Variants in ROBO2 observed in about 807,000 individuals in gnomAD.
ROBO2 encodes the protein roundabout homolog 2.
A neutral mutation model predicts 160.8 loss-of-function variants in ROBO2; 53 were observed. The ratio of observed to expected loss-of-function variants is 0.33; its 90% CI spans 0.26 to 0.41. ROBO2 has a LOEUF of 0.41. Among genes scored for constraint, ROBO2 ranks in the 10% least tolerant of loss-of-function variants. ROBO2 has a pLI of 1.00. For missense variants in ROBO2, 1,577 were observed against 1,722.4 expected, an observed-to-expected ratio of 0.92 and a Z score of 1.49; for synonymous variants, 664 against 611.7, an observed-to-expected ratio of 1.09 and a Z score of -1.26.
intron 11 of ROBO2, 77 bp from the exon 13 acceptor site, chr3:77,564,877 C>T (rs2093433750): frequency 7.6e-7 from 1 of 1,319,966 alleles, no homozygotes; most frequent in Non-Finnish European, 1.1e-6. Context: ...AGCCATTAAC[C>T]TTTGTCATTG....
At chr3:76,359,885 T>C (rs773774128) in intron 2 of ROBO2, among the ~76,000 whole-genome samples, 1 of 152,036 alleles carries the variant, frequency 6.6e-6, no homozygotes, top group Non-Finnish European at 1.5e-5. Context: ...TCTAAAGTTA[T>C]AACATTATAT....
At chr3:77,493,079 G>A (rs1051746004) in intron 4 of ROBO2, among the ~76,000 whole-genome samples, 165 bp from the exon 5 acceptor site, 1 of 152,224 alleles carries the variant, frequency 6.6e-6, no homozygotes, top group East Asian at 1.9e-4. Context: ...TTATTTTATT[G>A]AATGACATTG....
chr3:77,004,087 TAA>T (rs1411791076), intron 2 of ROBO2, among the ~76,000 whole-genome samples: 1 of 152,190 alleles, frequency 6.6e-6, no homozygotes, highest in Non-Finnish European at 1.5e-5. Context: ...TTGAAAATCT[TAA>T]AGTCTTATCT....
intron 2 of ROBO2, among the ~76,000 whole-genome samples, chr3:76,600,730 G>C (rs9822815): frequency 0.94 from 143,582 of 151,962 alleles, 68,345 homozygotes; most frequent in Non-Finnish European, 1. Flanking sequence ...ATTTGGGTGG[G>C]GACACAGACA....
chr3:77,604,751 A>G (rs2094493810), intron 20 of ROBO2, among the ~76,000 whole-genome samples: 1 of 152,128 alleles, frequency 6.6e-6, no homozygotes, highest in Non-Finnish European at 1.5e-5. Context: ...CTTAAATTTA[A>G]GATCAAACCA....
rs550610832 is a variant in ROBO2, at chr3:77,353,996, T to G, written c.389-123418T>G. Among the ~76,000 whole-genome samples the G allele has an allele frequency of 2.0e-5, 3 of 152,276 alleles. No individual in the cohort carries two copies. The South Asian group carries it at 6.2e-4, about 32-fold the overall frequency. ...CCTTCAACTCCATACCCTGAATTGT[T>G]TTTACTGAATTGCACTTTGAAATTA... On this transcript the variant is annotated intron_variant, in intron 2 of 25. Coordinates refer to ENST00000461745, the Ensembl canonical transcript of ROBO2.
At chr3:77,412,238 G>C (rs889589202) in intron 2 of ROBO2, among the ~76,000 whole-genome samples, 2 of 152,196 alleles carry the variant, frequency 1.3e-5, no homozygotes, top group Admixed American at 6.5e-5. Flanking sequence ...GGACAAAGCA[G>C]TCACTGCCAC....
chr3:77,383,657 G>T (rs1207409100), intron 2 of ROBO2, among the ~76,000 whole-genome samples: 1 of 152,046 alleles, frequency 6.6e-6, no homozygotes, highest in East Asian at 1.9e-4. Context: ...TAGATATATT[G>T]ATTTTAACCT....
chr3:76,207,775 A>G (rs888557023), intron 2 of ROBO2, among the ~76,000 whole-genome samples: 2 of 152,178 alleles, frequency 1.3e-5, no homozygotes, highest in African/African-American at 4.8e-5. Context: ...TTTCTCTTAT[A>G]TGTAAAAGGT....
intron 2 of ROBO2, among the ~76,000 whole-genome samples, chr3:76,553,509 G>A (rs963596102): frequency 5.9e-5 from 9 of 152,044 alleles, no homozygotes; most frequent in African/African-American, 2.2e-4. Flanking sequence ...TAGATATTGG[G>A]CTCTACTTTT....
chr3:77,527,953 G>A (rs1031382056), intron 6 of ROBO2, among the ~76,000 whole-genome samples: 8 of 151,546 alleles, frequency 5.3e-5, no homozygotes, highest in African/African-American at 1.7e-4. Flanking sequence ...TACCCTAAGT[G>A]GGGGAGGGAT....
exon 26 of ROBO2, chr3:77,647,671 G>A (rs2095421578): frequency 6.6e-6 from 1 of 152,068 alleles, no homozygotes; most frequent in Non-Finnish European, 1.5e-5. Flanking sequence ...ATTCCCACTT[G>A]TGACATTTTC....
intron 2 of ROBO2, among the ~76,000 whole-genome samples, chr3:76,851,849 T>G (rs998704158): frequency 6.6e-6 from 1 of 151,936 alleles, no homozygotes; most frequent in African/African-American, 2.4e-5. Context: ...AAATTTTCAG[T>G]GAAGACTTCC....
chr3:76,228,660 C>G (rs959554719), intron 2 of ROBO2, among the ~76,000 whole-genome samples: 3 of 152,084 alleles, frequency 2.0e-5, no homozygotes, highest in Admixed American at 2.0e-4. Context: ...TTTTATTTTA[C>G]ATAAATTATG....
intron 2 of ROBO2, among the ~76,000 whole-genome samples, chr3:76,544,713 A>C (rs2082999645): frequency 6.6e-6 from 1 of 152,038 alleles, no homozygotes; most frequent in Non-Finnish European, 1.5e-5. Context: ...CAGTGGAGTC[A>C]CTACAGGCAA....
chr3:76,278,316 T>G (rs1306762934), intron 2 of ROBO2, among the ~76,000 whole-genome samples: 1 of 151,974 alleles, frequency 6.6e-6, no homozygotes, highest in African/African-American at 2.4e-5. Context: ...ACTTATAACC[T>G]TATCAATACC....
At chr3:77,633,934 AAC>A (rs1239706472) in intron 23 of ROBO2, 1 of 152,236 alleles carries the variant, frequency 6.6e-6, no homozygotes, top group Non-Finnish European at 1.5e-5. Flanking sequence ...GCTAATAGCT[AAC>A]ACAGCATTAA....
At chr3:76,697,587 A>G (rs1324963802) in intron 2 of ROBO2, among the ~76,000 whole-genome samples, 2 of 152,130 alleles carry the variant, frequency 1.3e-5, no homozygotes, top group Non-Finnish European at 2.9e-5. Context: ...TTCTAGCTGC[A>G]GTGAACCATA....
chr3:77,444,004 CTAAT>C (rs2080216725), intron 2 of ROBO2, among the ~76,000 whole-genome samples: 1 of 152,196 alleles, frequency 6.6e-6, no homozygotes, highest in Non-Finnish European at 1.5e-5. Context: ...GATAATGTCT[CTAAT>C]TAGCCTTACT....
Sources: allele counts gnomAD v4.1 joint callset (sites outside exome capture counted in the v4.1 genomes callset), GRCh38; gene constraint gnomAD v4.1.1; transcripts MANE v1.5; gene names NCBI Gene and HGNC (gene_info 2026-07-23, HGNC 2026-07-21).